SLC24A3: variants seen among roughly 807,000 people sequenced by gnomAD.
SLC24A3 encodes the protein solute carrier family 24 member 3.
In SLC24A3, 28 loss-of-function variants were observed where a neutral mutation model predicts 75.8. The observed-to-expected ratio is 0.37, with a 90% CI of 0.27 to 0.51. The LOEUF is 0.51. Among genes scored for constraint, SLC24A3 ranks in the 20% least tolerant of loss-of-function variants. The probability of loss-of-function intolerance (pLI) is 0.94; values close to 1 mark genes in which losing one functional copy is unlikely to be tolerated. For synonymous variants in SLC24A3, 372 were observed against 334.1 expected (o/e 1.11, Z -1.24); for missense variants, 663 against 847.8 (o/e 0.78, Z 2.71).
intron 2 of SLC24A3, among the ~76,000 whole-genome samples, chr20:19,409,138 T>G (rs1201023506): frequency 6.6e-6 from 1 of 152,116 alleles, no homozygotes; most frequent in African/African-American, 2.4e-5. Flanking sequence ...TTCTTTAGAT[T>G]GTAGATCCAG....
intron 2 of SLC24A3, among the ~76,000 whole-genome samples, chr20:19,495,044 A>G (rs948594200): frequency 1.3e-5 from 2 of 152,138 alleles, no homozygotes; most frequent in African/African-American, 4.8e-5. Flanking sequence ...TGGAGTGTGA[A>G]TGGCACCACA....
intron 6 of SLC24A3, among the ~76,000 whole-genome samples, chr20:19,594,396 G>T (rs987340209): frequency 1.3e-5 from 2 of 152,216 alleles, no homozygotes; most frequent in African/African-American, 4.8e-5. Flanking sequence ...AAAAATGCAG[G>T]CCTGTCTGTA....
chr20:19,720,567 G>A (rs1020819176), intron 16 of SLC24A3, among the ~76,000 whole-genome samples: 3 of 152,018 alleles, frequency 2.0e-5, no homozygotes, highest in Non-Finnish European at 2.9e-5. Flanking sequence ...ACCTCCAGAC[G>A]CAGCCGTAGG....
chr20:19,570,323 A>C, intron 3 of SLC24A3, among the ~76,000 whole-genome samples: 1 of 152,166 alleles, frequency 6.6e-6, no homozygotes, highest in East Asian at 1.9e-4. Context: ...CCCCTCCTCC[A>C]ACACTCAGGA....
chr20:19,305,078 G>C (rs947302079), intron 2 of SLC24A3, among the ~76,000 whole-genome samples: 1 of 152,162 alleles, frequency 6.6e-6, no homozygotes, highest in African/African-American at 2.4e-5. Context: ...GCCATGGGCT[G>C]TCACATCCCT....
chr20:19,673,758 T>A (rs1347664238), intron 9 of SLC24A3, 104 bp downstream of exon 9: 2 of 919,522 alleles, frequency 2.2e-6, no homozygotes, highest in Non-Finnish European at 3.5e-6. Flanking sequence ...GGTTTTTCAG[T>A]GTGTATCATC....
chr20:19,551,539 T>A (rs1474311319), intron 3 of SLC24A3, among the ~76,000 whole-genome samples: 1 of 152,202 alleles, frequency 6.6e-6, no homozygotes, highest in Admixed American at 6.5e-5. Flanking sequence ...ATGGTGAGTG[T>A]AGAGAAATAA....
chr20:19,347,210 CA>C (rs1985448898), intron 2 of SLC24A3, among the ~76,000 whole-genome samples: 1 of 152,016 alleles, frequency 6.6e-6, no homozygotes. Context: ...CTTGGGGCTC[CA>C]GGGGTAGGGA....
In SLC24A3 at chr20:19,699,003, G is replaced by A. The variant is rs553490921; in HGVS notation, c.1719+323G>A. On this transcript the variant is annotated intron_variant, in intron 15 of 16. Transcript: ENST00000328041. Reference sequence around the variant, plus strand: ...GGCCATAGACAATAAATAACCAAACGGGCATGTCTGTTTCAATACAACTTT... The same window carrying A: ...GGCCATAGACAATAAATAACCAAACAGGCATGTCTGTTTCAATACAACTTT... 1.7e-4 allele frequency among the ~76,000 whole-genome samples: 26 copies of A among 152,242 alleles called. 1 individual carries two copies. The South Asian group carries it at 5.2e-3, about 30-fold the overall frequency.
intron 2 of SLC24A3, among the ~76,000 whole-genome samples, chr20:19,348,129 G>A (rs1985471194): frequency 6.6e-6 from 1 of 152,178 alleles, no homozygotes; most frequent in South Asian, 2.1e-4. Flanking sequence ...GCTCCCCGAG[G>A]ATGTCTGTTC....
At chr20:19,285,287 G>T (rs1983783940) in intron 2 of SLC24A3, among the ~76,000 whole-genome samples, 1 of 152,032 alleles carries the variant, frequency 6.6e-6, no homozygotes, top group African/African-American at 2.4e-5. Flanking sequence ...GGACCAGCCT[G>T]GGCAACATGG....
chr20:19,347,855 T>C (rs527914839), intron 2 of SLC24A3, among the ~76,000 whole-genome samples: 2 of 152,324 alleles, frequency 1.3e-5, no homozygotes, highest in South Asian at 4.1e-4. Flanking sequence ...ACTTCACATC[T>C]GCAAAGTGAG....
intron 2 of SLC24A3, among the ~76,000 whole-genome samples, chr20:19,506,539 A>G (rs118010758): frequency 6.6e-6 from 1 of 152,230 alleles, no homozygotes; most frequent in Non-Finnish European, 1.5e-5. Flanking sequence ...ACTAACGTCT[A>G]TGTGAACTTG....
chr20:19,634,772 G>A (rs1340039378), intron 6 of SLC24A3, among the ~76,000 whole-genome samples: 2 of 151,902 alleles, frequency 1.3e-5, no homozygotes, highest in African/African-American at 2.4e-5. Context: ...GAAGCCGGGG[G>A]GGACACTTTT....
intron 2 of SLC24A3, among the ~76,000 whole-genome samples, chr20:19,365,525 A>C (rs1295764071): frequency 1.3e-5 from 2 of 152,188 alleles, no homozygotes; most frequent in Non-Finnish European, 2.9e-5. Context: ...GGAACATGTG[A>C]GGCAGTGATC....
intron 2 of SLC24A3, among the ~76,000 whole-genome samples, chr20:19,384,526 A>T (rs1235963301): frequency 2.0e-5 from 3 of 152,228 alleles, no homozygotes; most frequent in African/African-American, 4.8e-5. Context: ...TTTAAGGCTG[A>T]ATAGTATTCC....
At chr20:19,427,793 C>T (rs1030659983) in intron 2 of SLC24A3, among the ~76,000 whole-genome samples, 1 of 152,216 alleles carries the variant, frequency 6.6e-6, no homozygotes, top group Non-Finnish European at 1.5e-5. Flanking sequence ...ACCAGTGGGA[C>T]CTGTAGAGGT....
intron 2 of SLC24A3, among the ~76,000 whole-genome samples, chr20:19,394,969 A>T (rs1367087629): frequency 6.6e-6 from 1 of 152,238 alleles, no homozygotes; most frequent in Non-Finnish European, 1.5e-5. Flanking sequence ...AGCAACCCAA[A>T]TGTCTAATGA....
rs553036236 is a variant in SLC24A3 at position 19,398,161 on chromosome 20, T to C, written c.271+117074T>C. Among the ~76,000 whole-genome samples, 13 of 152,290 alleles carry C rather than the reference T, an allele frequency of 8.5e-5. No homozygotes were observed. In the South Asian group the frequency reaches 2.3e-3, roughly 27 times the overall value. On this transcript the variant is annotated intron_variant, in intron 2 of 16. Coordinates refer to ENST00000328041, the MANE Select transcript of SLC24A3 (RefSeq NM_020689.4). ...TTACTTGTGTGACTTCCCATTGATA[T>C]ACCTTTATTACTTAACTTAAAGGCT...
Sources: allele counts gnomAD v4.1 joint callset (sites outside exome capture counted in the v4.1 genomes callset), GRCh38; gene constraint gnomAD v4.1.1; transcripts MANE v1.5; gene names NCBI Gene and HGNC (gene_info 2026-07-23, HGNC 2026-07-21).